Variants in FBXL2 observed in about 807,000 individuals in gnomAD.
FBXL2 encodes F-box and leucine rich repeat protein 2.
Under a neutral mutation model 69.2 loss-of-function variants are expected in FBXL2, and 38 were observed. The observed-to-expected ratio is 0.55, with a 90% CI of 0.42 to 0.72. FBXL2 has a LOEUF of 0.72. Ranked by LOEUF, FBXL2 falls within the 30% of genes least tolerant of loss-of-function variation. The pLI is 0.00. For missense variants in FBXL2, 354 were observed against 520.3 expected, an observed-to-expected ratio of 0.68 and a Z score of 3.11; for synonymous variants, 192 against 201.3, an observed-to-expected ratio of 0.95 and a Z score of 0.39.
At chr3:33,383,931 G>C (rs2043228624) in intron 13 of FBXL2, 58 bp from the exon 14 acceptor site, 2 of 1,552,086 alleles carry the variant, frequency 1.3e-6, no homozygotes, top group Admixed American at 3.4e-5. Flanking sequence ...CTTTTTTTTA[G>C]GACTTGAGCC....
At chr3:33,365,663 C>T (rs1033195246) in intron 5 of FBXL2, among the ~76,000 whole-genome samples, 2 of 152,002 alleles carry the variant, frequency 1.3e-5, no homozygotes. Context: ...TGAGGTGGAA[C>T]GATCCCTTGA....
At position 33,374,118 on chromosome 3, in the gene FBXL2, C is replaced by T. The variant is rs1575387903; in HGVS notation, c.657+197C>T. ...AACAACAACAAAAAGGAATCATACT[C>T]AATATAAAGCCACTGACATCTCCCC... On this transcript the variant is annotated intron_variant, in intron 9 of 14. Coordinates refer to ENST00000484457, the MANE Select transcript of FBXL2 (RefSeq NM_012157.5). Among the ~76,000 whole-genome samples, 3 of 152,272 alleles carry T rather than the reference C, an allele frequency of 2.0e-5. No individual in the cohort carries two copies. In the South Asian group the frequency reaches 6.2e-4, roughly 32 times the overall value.
In FBXL2 at chr3:33,403,108, T is replaced by TAC. The variant is rs774934817; in HGVS notation, n.1215-125_1215-124insCA. On this transcript the variant is annotated intron_variant and non_coding_transcript_variant, in intron 12 of 12. Coordinates refer to the FBXL2 transcript ENST00000463736. ...CTGCTGTGTGCGTCTAGACACTGAT[T>TAC]AATCTTAGAGAAGACCTAAAGTGAT... 350 of 519,142 alleles carry TAC rather than the reference T, an allele frequency of 6.7e-4. 1 individual carries two copies. The highest frequency in any genetic ancestry group is 1.8e-3 in the Admixed American group (54 of 30,122). The allele number at this position is 519,142 out of a possible 1,614,324, so 32.2% of individuals were successfully genotyped here. A position where few individuals can be genotyped will look rare whatever the true frequency, so the allele number is the denominator to read the frequency against.
At chr3:33,296,989 G>A (rs2035806829) in intron 1 of FBXL2, among the ~76,000 whole-genome samples, 2 of 152,118 alleles carry the variant, frequency 1.3e-5, no homozygotes. Context: ...AGGAAGCGTT[G>A]CTAACATAAC....
At chr3:33,395,542 C>T (rs2043943668) in intron 12 of FBXL2, among the ~76,000 whole-genome samples, 1 of 151,880 alleles carries the variant, frequency 6.6e-6, no homozygotes, top group African/African-American at 2.4e-5. Context: ...ATTAAATGCT[C>T]AGGATGAGAA....
Position 33,384,330 on chromosome 3 carries a change from G to A in FBXL2, c.1164+129G>A. 7 of 831,094 alleles carry A rather than the reference G, an allele frequency of 8.4e-6. No homozygotes were observed. In the South Asian group the frequency reaches 1.1e-4, roughly 14 times the overall value. The allele number at this position is 831,094 out of a possible 1,614,324, so 51.5% of individuals were successfully genotyped here. A position where few individuals can be genotyped will look rare whatever the true frequency, so the allele number is the denominator to read the frequency against. ...AATCCCAACACTTTCAGAAGCCAAG[G>A]TGGGTGGACCACTTGAGGTCAGGAG... is the stretch of plus-strand genomic sequence containing the variant. On this transcript the variant is annotated intron_variant, in intron 14 of 14. Transcript: ENST00000484457.
chr3:33,304,506 G>C (rs2036554339), intron 2 of FBXL2, among the ~76,000 whole-genome samples: 1 of 152,012 alleles, frequency 6.6e-6, no homozygotes, highest in South Asian at 2.1e-4. Flanking sequence ...TTTTACTGCT[G>C]TATAATATTC....
rs1466020490 is a variant in FBXL2, at chr3:33,313,550, A to G, written c.65+15825A>G. 2.0e-5 allele frequency among the ~76,000 whole-genome samples: 3 copies of G among 152,128 alleles called. 1 individual carries two copies. The highest frequency in any genetic ancestry group is 4.2e-4 in the South Asian group (2 of 4,806). On this transcript the variant is annotated intron_variant, in intron 2 of 14. Transcript: ENST00000484457. ...AACCTCAACCTCCTGGGCTCAAGCAATCCTCCTGACTCAGCCTTCCAAGCA... is the reference window on the plus strand; with the variant it reads ...AACCTCAACCTCCTGGGCTCAAGCAGTCCTCCTGACTCAGCCTTCCAAGCA...
At chr3:33,315,256 CTTTT>C (rs1475801213) in intron 2 of FBXL2, among the ~76,000 whole-genome samples, 3 of 114,296 alleles carry the variant, frequency 2.6e-5, no homozygotes, top group Non-Finnish European at 5.7e-5. Flanking sequence ...TCCTTTCTTT[CTTTT>C]CTCTTATCTT....
chr3:33,332,151 T>A (rs1167249898), intron 2 of FBXL2, among the ~76,000 whole-genome samples: 1 of 152,096 alleles, frequency 6.6e-6, no homozygotes, highest in Non-Finnish European at 1.5e-5. Flanking sequence ...GACAAAGTCC[T>A]AAATTAATCT....
At chr3:33,367,139 A>G (rs2154044898) in intron 5 of FBXL2, among the ~76,000 whole-genome samples, 1 of 151,726 alleles carries the variant, frequency 6.6e-6, no homozygotes, top group East Asian at 1.9e-4. Flanking sequence ...CTTGTTGCCC[A>G]GGCTGGAGTG....
intron 12 of FBXL2, among the ~76,000 whole-genome samples, chr3:33,395,748 T>C (rs1245412452): frequency 1.7e-5 from 1 of 58,526 alleles, no homozygotes; most frequent in Non-Finnish European, 3.2e-5. Context: ...GTCAGGAAAA[T>C]TGAAAAAAAA....
intron 2 of FBXL2, among the ~76,000 whole-genome samples, chr3:33,327,430 C>A (rs963941645): frequency 1.3e-5 from 2 of 152,002 alleles, no homozygotes; most frequent in Non-Finnish European, 2.9e-5. Flanking sequence ...TATAATCCAC[C>A]CCCAAAAATC....
intron 2 of FBXL2, among the ~76,000 whole-genome samples, chr3:33,305,754 T>G (rs940380272): frequency 1.3e-5 from 2 of 151,964 alleles, no homozygotes; most frequent in African/African-American, 4.8e-5. Flanking sequence ...TTTTTTTCTG[T>G]TTTTTCTTGA....
At chr3:33,314,106 T>A (rs1265397590) in intron 2 of FBXL2, among the ~76,000 whole-genome samples, 1 of 152,144 alleles carries the variant, frequency 6.6e-6, no homozygotes, top group Non-Finnish European at 1.5e-5. Context: ...CTTTAATTTT[T>A]TTTTGCTTTT....
intron 13 of FBXL2, among the ~76,000 whole-genome samples, chr3:33,381,454 G>GACCAACATGGAGAAACCCCGCCTC (rs1157679406): frequency 2.0e-5 from 3 of 152,080 alleles, no homozygotes; most frequent in Non-Finnish European, 2.9e-5. Flanking sequence ...AGACCAGCCT[G>GACCAACATGGAGAAACCCCGCCTC]ACCAACATGG....
At chr3:33,383,891 T>C (rs1046510245) in intron 13 of FBXL2, 98 bp from the exon 14 acceptor site, 10 of 1,111,604 alleles carry the variant, frequency 9.0e-6, no homozygotes, top group African/African-American at 6.2e-5. Context: ...TGTCATCCCA[T>C]TGCAGAAGGG....
At chr3:33,293,258 G>A (rs982419903) in intron 1 of FBXL2, among the ~76,000 whole-genome samples, 3 of 152,284 alleles carry the variant, frequency 2.0e-5, no homozygotes, top group African/African-American at 7.2e-5. Context: ...GGCACTTTAC[G>A]TTTATGGACT....
In FBXL2 at chr3:33,373,573, C is replaced by T. The variant is rs1393690433; in HGVS notation, c.456-5C>T. ...CACATAAGTTTTTGTTTCTTGTTCTCTCAGTGAGGGCTGCCGAAACCTGGA... is the reference window on the plus strand; with the variant it reads ...CACATAAGTTTTTGTTTCTTGTTCTTTCAGTGAGGGCTGCCGAAACCTGGA... On this transcript the variant is annotated splice_polypyrimidine_tract_variant and splice_region_variant and intron_variant, in intron 7 of 14. Transcript: ENST00000484457. 1 of 1,614,136 alleles carries T rather than the reference C, an allele frequency of 6.2e-7. No individual in the cohort carries two copies.
Sources: allele counts gnomAD v4.1 joint callset (sites outside exome capture counted in the v4.1 genomes callset), GRCh38; gene constraint gnomAD v4.1.1; transcripts MANE v1.5; gene names NCBI Gene and HGNC (gene_info 2026-07-23, HGNC 2026-07-21).